HTT-AS: variants seen among roughly 807,000 people sequenced by gnomAD.
The protein encoded by HTT-AS is HTT antisense RNA.
rs548695397 is a variant in HTT-AS, at chr4:3,061,986, T to TAA, written n.1380+446_1380+447dup. Among the ~76,000 whole-genome samples, 211 of 63,400 alleles carry TAA rather than the reference T, an allele frequency of 3.3e-3. 1 individual carries two copies. The highest frequency in any genetic ancestry group is 0.012 in the Middle Eastern group (1 of 84). 41.6% of individuals were successfully genotyped at this position (63,400 alleles called of 152,430 possible). A position where few individuals can be genotyped will look rare whatever the true frequency, so the allele number is the denominator to read the frequency against. ...GACAGGGCAAGACTCTATCTCAAAT[T>TAA]AAAAAAAAAAAAAAAAAAAAAAAAA... is the stretch of plus-strand genomic sequence containing the variant. On this transcript the variant is annotated intron_variant and non_coding_transcript_variant, in intron 2 of 2. Coordinates refer to ENST00000664062, the Ensembl canonical transcript of HTT-AS.
At chr4:3,070,947 T>C (rs1712160830) in intron 1 of HTT-AS, among the ~76,000 whole-genome samples, 1 of 152,250 alleles carries the variant, frequency 6.6e-6, no homozygotes, top group South Asian at 2.1e-4. Context: ...TATTGATCTT[T>C]ACTCTTTTTA....
chr4:3,056,932 C>G (rs1001761755), intron 2 of HTT-AS, among the ~76,000 whole-genome samples: 1 of 152,144 alleles, frequency 6.6e-6, no homozygotes, highest in African/African-American at 2.4e-5. Context: ...TCCACCAGCC[C>G]CTGGCAATTA....
chr4:3,053,852 G>A (rs971039354), intron 2 of HTT-AS, among the ~76,000 whole-genome samples: 7 of 150,256 alleles, frequency 4.7e-5, no homozygotes, highest in East Asian at 2.0e-4. Flanking sequence ...TCTGCCTCTC[G>A]GGGTTCAAGC....
In HTT-AS at chr4:3,051,847, T is replaced by C. The variant is rs139185154; in HGVS notation, n.1381-2149A>G. The stretch of plus-strand genomic sequence containing the variant: ...CCATAAGCTTGCTCGCCGCTCAAGA[T>C]GGCCCAACAAGCTGGTCAGTAACTG... On this transcript the variant is annotated intron_variant and non_coding_transcript_variant, in intron 2 of 2. Transcript: ENST00000664062. Among the ~76,000 whole-genome samples the C allele has an allele frequency of 2.3e-3, 344 of 152,144 alleles. 1 individual carries two copies. Among genetic ancestry groups the C allele is most frequent in the African/African-American group, 7.8e-3 (322 of 41,488 alleles).
chr4:3,074,084 T>C (rs1414320233), intron 1 of HTT-AS, among the ~76,000 whole-genome samples: 1 of 35,192 alleles, frequency 2.8e-5, no homozygotes, highest in Non-Finnish European at 5.4e-5. Context: ...GCCCCACCCC[T>C]CCCTCGCCCC....
intron 1 of HTT-AS, among the ~76,000 whole-genome samples, chr4:3,067,821 AG>A (rs1429787299): frequency 6.6e-6 from 1 of 152,184 alleles, no homozygotes; most frequent in East Asian, 1.9e-4. Context: ...AGGTTACCAA[AG>A]GGGACCTCGA....
At chr4:3,054,735 G>C (rs910915360) in intron 2 of HTT-AS, among the ~76,000 whole-genome samples, 2 of 149,132 alleles carry the variant, frequency 1.3e-5, no homozygotes, top group Admixed American at 6.7e-5. Flanking sequence ...TTTTTTTTGA[G>C]ATGGAGTCTC....
intron 2 of HTT-AS, among the ~76,000 whole-genome samples, chr4:3,057,156 C>G (rs533413330): frequency 2.0e-5 from 3 of 152,110 alleles, no homozygotes; most frequent in Non-Finnish European, 2.9e-5. Flanking sequence ...GTCTCAGCCT[C>G]CCGAGTAGCT....
At chr4:3,065,284 G>T (rs1712021597) in intron 1 of HTT-AS, among the ~76,000 whole-genome samples, 1 of 151,772 alleles carries the variant, frequency 6.6e-6, no homozygotes, top group Non-Finnish European at 1.5e-5. Flanking sequence ...CTGTTGCCAG[G>T]CTGGAGTGCA....
chr4:3,070,882 G>C (rs1323916486), intron 1 of HTT-AS, among the ~76,000 whole-genome samples: 1 of 152,172 alleles, frequency 6.6e-6, no homozygotes, highest in Non-Finnish European at 1.5e-5. Flanking sequence ...TGTTTTTGCT[G>C]TTCAGGGACT....
intron 1 of HTT-AS, among the ~76,000 whole-genome samples, chr4:3,072,720 T>C (rs1712204285): frequency 6.6e-6 from 1 of 152,160 alleles, no homozygotes. Flanking sequence ...AACCTCCACC[T>C]CCCAGGTTCA....
At chr4:3,047,188 G>A, downstream of HTT-AS, among the ~76,000 whole-genome samples, 1 of 152,110 alleles carries the variant, frequency 6.6e-6, no homozygotes, top group Non-Finnish European at 1.5e-5. Context: ...GCGTGCACCT[G>A]TAGTCCCAGC....
At position 3,061,095 on chromosome 4, in the gene HTT-AS, C is replaced by T. The variant is rs562506963; in HGVS notation, n.1380+1339G>A. Reference sequence around the variant, plus strand: ...GTATCTATGTTCTTGATTTCCTTGGCATGAGGCAATGAACCTTGGGTATTA... The same window carrying T: ...GTATCTATGTTCTTGATTTCCTTGGTATGAGGCAATGAACCTTGGGTATTA... On this transcript the variant is annotated intron_variant and non_coding_transcript_variant, in intron 2 of 2. Transcript: ENST00000664062. Among the ~76,000 whole-genome samples the T allele has an allele frequency of 9.2e-5, 14 of 152,352 alleles. No individual in the cohort carries two copies. The East Asian group carries it at 2.7e-3, about 29-fold the overall frequency.
intron 2 of HTT-AS, among the ~76,000 whole-genome samples, chr4:3,059,080 C>G (rs920060091): frequency 6.6e-6 from 1 of 152,152 alleles, no homozygotes; most frequent in Admixed American, 6.6e-5. Flanking sequence ...GTACTGCCAT[C>G]CTTGCGTCCT....
intron 2 of HTT-AS, among the ~76,000 whole-genome samples, chr4:3,054,103 A>C (rs1472795813): frequency 6.6e-6 from 1 of 151,958 alleles, no homozygotes; most frequent in Non-Finnish European, 1.5e-5. Flanking sequence ...TGACTTTTCT[A>C]AATTGTTCAA....
intron 1 of HTT-AS, among the ~76,000 whole-genome samples, chr4:3,065,114 A>G (rs1448199443): frequency 6.6e-6 from 1 of 152,242 alleles, no homozygotes; most frequent in Non-Finnish European, 1.5e-5. Flanking sequence ...AATAAAATAA[A>G]TTAGTTACTC....
exon 1 of HTT-AS, chr4:3,074,432 A>C: frequency 5.7e-6 from 1 of 174,828 alleles, no homozygotes; most frequent in Non-Finnish European, 1.2e-5. Context: ...TCACCCCATT[A>C]CAGTCTCACC....
chr4:3,059,632 C>A (rs897159343), intron 2 of HTT-AS, among the ~76,000 whole-genome samples: 1 of 152,102 alleles, frequency 6.6e-6, no homozygotes. Context: ...CTCCGTCACC[C>A]AGGCTGGAGT....
At chr4:3,061,752 C>T (rs146045272) in intron 2 of HTT-AS, among the ~76,000 whole-genome samples, 5,298 of 149,396 alleles carry the variant, frequency 0.035, 297 homozygotes, top group African/African-American at 0.12. Context: ...GAAGCCGAGG[C>T]GGGCAGGTCA....
Sources: allele counts gnomAD v4.1 joint callset (sites outside exome capture counted in the v4.1 genomes callset), GRCh38; gene constraint gnomAD v4.1.1; transcripts MANE v1.5; gene names NCBI Gene and HGNC (gene_info 2026-07-23, HGNC 2026-07-21).